FOXJ3: variants seen among roughly 807,000 people sequenced by gnomAD.
The protein encoded by FOXJ3 is forkhead box protein J3.
In FOXJ3, 22 loss-of-function variants were observed where a neutral mutation model predicts 76.1. That is an observed-to-expected ratio of 0.29 (90% CI 0.21 to 0.41). FOXJ3 has a LOEUF of 0.41. FOXJ3 is among the 10% of genes least tolerant of loss of function. FOXJ3 has a pLI of 1.00. For missense variants in FOXJ3, 613 were observed against 762.1 expected (o/e 0.80, Z 2.30); for synonymous variants, 269 against 261.2 (o/e 1.03, Z -0.29).
chr1:42,231,789 C>T (rs1467344973), intron 4 of FOXJ3, among the ~76,000 whole-genome samples: 2 of 152,116 alleles, frequency 1.3e-5, no homozygotes, highest in African/African-American at 4.8e-5. Context: ...GTCCACACCC[C>T]ACCCCCACGC....
At chr1:42,262,866 A>G (rs1651159716) in intron 4 of FOXJ3, among the ~76,000 whole-genome samples, 1 of 152,216 alleles carries the variant, frequency 6.6e-6, no homozygotes, top group Non-Finnish European at 1.5e-5. Context: ...ACAAACAAAT[A>G]AACAAACAAA....
At chr1:42,291,067 T>TAGACAGACAGAC (rs1468311182) in intron 2 of FOXJ3, among the ~76,000 whole-genome samples, 74 of 82,448 alleles carry the variant, frequency 9.0e-4, no homozygotes, top group East Asian at 2.9e-3. Flanking sequence ...GATAGATAGA[T>TAGACAGACAGAC]AGATAGATAG....
intron 1 of FOXJ3, among the ~76,000 whole-genome samples, chr1:42,324,373 C>CATATAAATACTATATATAT (rs1655702134): frequency 7.0e-6 from 1 of 142,086 alleles, no homozygotes; most frequent in African/African-American, 2.7e-5. Context: ...ACTATATATA[C>CATATAAATACTATATATAT]TATATATAAC....
At chr1:42,197,739 C>T (rs1488953770) in intron 7 of FOXJ3, among the ~76,000 whole-genome samples, 2 of 151,592 alleles carry the variant, frequency 1.3e-5, no homozygotes, top group Middle Eastern at 3.5e-3. Flanking sequence ...AGTGGAGTGA[C>T]GTGATTACTC....
intron 5 of FOXJ3, among the ~76,000 whole-genome samples, chr1:42,208,790 A>C (rs2124343144): frequency 6.6e-6 from 1 of 152,330 alleles, no homozygotes; most frequent in South Asian, 2.1e-4. Flanking sequence ...TAAGTCAAAA[A>C]TGCACTTAAT....
At chr1:42,241,412 A>G (rs1343254219) in intron 4 of FOXJ3, among the ~76,000 whole-genome samples, 3 of 152,118 alleles carry the variant, frequency 2.0e-5, no homozygotes, top group Non-Finnish European at 4.4e-5. Flanking sequence ...GATCACCCCC[A>G]CTTTGCCCAC....
intron 1 of FOXJ3, among the ~76,000 whole-genome samples, chr1:42,319,444 T>C (rs1370997235): frequency 1.3e-5 from 2 of 152,290 alleles, no homozygotes; most frequent in Middle Eastern, 3.4e-3. Flanking sequence ...ACGTCCAAAA[T>C]AGGCAAATTC....
At chr1:42,200,005 C>A (rs1289058326) in intron 6 of FOXJ3, among the ~76,000 whole-genome samples, 235 of 76,048 alleles carry the variant, frequency 3.1e-3, no homozygotes, top group African/African-American at 7.2e-3. Flanking sequence ...GACTCTGTCT[C>A]AAAAAAAAAA....
At chr1:42,287,137 G>A (rs1490125698) in intron 2 of FOXJ3, among the ~76,000 whole-genome samples, 1 of 151,432 alleles carries the variant, frequency 6.6e-6, no homozygotes, top group Non-Finnish European at 1.5e-5. Flanking sequence ...TCAGGAGTTG[G>A]AGACCAGCCT....
chr1:42,238,518 T>A (rs963190481), intron 4 of FOXJ3, among the ~76,000 whole-genome samples: 1 of 152,162 alleles, frequency 6.6e-6, no homozygotes, highest in Non-Finnish European at 1.5e-5. Context: ...TCCACATAAA[T>A]AAGAGGACCA....
In FOXJ3 at chr1:42,234,838, G is replaced by A. The variant is rs150357452; in HGVS notation, c.445-6872C>T. 4.0e-3 allele frequency among the ~76,000 whole-genome samples: 607 copies of A among 152,234 alleles called. 1 individual carries two copies. The highest frequency in any genetic ancestry group is 4.8e-3 in the Non-Finnish European group (329 of 68,002). ...GGGGTGCCTCCCAGTTAGGCTACTC[G>A]GTGCCTCCAGTTAGGCTACAATTGA... On this transcript the variant is annotated intron_variant, in intron 4 of 12. Transcript: ENST00000361346.
chr1:42,202,827 C>T (rs963825880), intron 6 of FOXJ3, among the ~76,000 whole-genome samples: 1 of 152,174 alleles, frequency 6.6e-6, no homozygotes, highest in African/African-American at 2.4e-5. Context: ...TGAGCCACCA[C>T]ACCCAGTCCA....
intron 5 of FOXJ3, among the ~76,000 whole-genome samples, chr1:42,223,196 C>T (rs1647291193): frequency 6.6e-6 from 1 of 152,132 alleles, no homozygotes; most frequent in Non-Finnish European, 1.5e-5. Context: ...AGAAAGCATG[C>T]TAGTTTTCCA....
intron 2 of FOXJ3, among the ~76,000 whole-genome samples, chr1:42,292,464 G>C (rs1427319603): frequency 2.0e-5 from 3 of 151,998 alleles, no homozygotes; most frequent in Non-Finnish European, 4.4e-5. Context: ...ATACCCAATG[G>C]AATAAAAAGG....
intron 4 of FOXJ3, among the ~76,000 whole-genome samples, chr1:42,262,640 G>A (rs1651133541): frequency 6.6e-6 from 1 of 152,172 alleles, no homozygotes; most frequent in African/African-American, 2.4e-5. Context: ...CTTGAGGTCA[G>A]GAGTTTGACA....
intron 2 of FOXJ3, among the ~76,000 whole-genome samples, chr1:42,292,718 T>C (rs532649296): frequency 6.6e-6 from 1 of 152,188 alleles, no homozygotes; most frequent in Non-Finnish European, 1.5e-5. Context: ...ACCACATTGA[T>C]GTGGTGATGA....
chr1:42,202,475 A>G (rs983234922), intron 6 of FOXJ3, among the ~76,000 whole-genome samples: 6 of 152,214 alleles, frequency 3.9e-5, no homozygotes, highest in Non-Finnish European at 7.3e-5. Flanking sequence ...TAATAAACGT[A>G]TAAGTTGCTG....
chr1:42,274,455 A>C (rs1327058157), intron 3 of FOXJ3, among the ~76,000 whole-genome samples: 1 of 152,190 alleles, frequency 6.6e-6, no homozygotes, highest in African/African-American at 2.4e-5. Context: ...ATCTTGTGTA[A>C]TGGTTAAGAA....
chr1:42,194,774 T>G (rs1646618461), intron 8 of FOXJ3, 116 bp downstream of exon 8: 2 of 680,162 alleles, frequency 2.9e-6, no homozygotes, highest in Non-Finnish European at 4.8e-6. Context: ...AATTACCTGA[T>G]TCTTATTGTG....
Sources: allele counts gnomAD v4.1 joint callset (sites outside exome capture counted in the v4.1 genomes callset), GRCh38; gene constraint gnomAD v4.1.1; transcripts MANE v1.5; gene names NCBI Gene and HGNC (gene_info 2026-07-23, HGNC 2026-07-21).